CBL: variants seen among roughly 807,000 people sequenced by gnomAD.
The protein encoded by CBL is Cbl proto-oncogene, also known as E3 ubiquitin-protein ligase CBL.
Under a neutral mutation model 96.9 loss-of-function variants are expected in CBL, and 45 were observed. The observed-to-expected ratio is 0.46, with a 90% CI of 0.37 to 0.60. The LOEUF is 0.60. CBL is among the 20% of genes least tolerant of loss of function. The pLI is 0.00. For missense variants in CBL, 1,024 were observed against 1,143.5 expected, an observed-to-expected ratio of 0.90 and a Z score of 1.51; for synonymous variants, 420 against 426.8, an observed-to-expected ratio of 0.98 and a Z score of 0.20.
Position 119,206,519 on chromosome 11 carries a change from G to A in CBL, c.102G>A (p.Gln34=), listed in dbSNP as rs1315924709. The A allele has an allele frequency of 6.4e-7, 1 of 1,558,868 alleles. No individual in the cohort carries two copies. The highest frequency in any genetic ancestry group is 1.8e-4 in the Middle Eastern group (1 of 5,666). ...GLIGLMKDAF[Q]PHHHHHHHLS... ...TTGGGCTCATGAAGGACGCCTTCCA[G>A]CCGCACCACCACCACCACCACCACC... Residue 34 remains glutamine, a synonymous_variant, in exon 1 of 16, where the codon CAG becomes CAA. Coordinates refer to ENST00000264033, the MANE Select transcript of CBL (RefSeq NM_005188.4).
chr11:119,263,711 T>C (rs1949772635), intron 2 of CBL, among the ~76,000 whole-genome samples: 1 of 152,224 alleles, frequency 6.6e-6, no homozygotes, highest in African/African-American at 2.4e-5. Context: ...AGTTAAACAG[T>C]ACTTCATTGA....
chr11:119,232,730 G>C, intron 2 of CBL, 35 bp downstream of exon 2: 1 of 1,599,266 alleles, frequency 6.3e-7, no homozygotes, highest in South Asian at 1.1e-5. Context: ...AATTATGCAG[G>C]TCTGTGACTG....
At chr11:119,268,658 C>T (rs901791867) in intron 2 of CBL, among the ~76,000 whole-genome samples, 3 of 152,010 alleles carry the variant, frequency 2.0e-5, no homozygotes, top group African/African-American at 4.8e-5. Flanking sequence ...AGAGAGTACA[C>T]GGAGAAAGAA....
intron 3 of CBL, among the ~76,000 whole-genome samples, chr11:119,272,087 A>G (rs557978719): frequency 3.9e-5 from 6 of 152,246 alleles, no homozygotes; most frequent in African/African-American, 1.4e-4. Flanking sequence ...ATTGAAACCC[A>G]TGCTCTTTGA....
intron 12 of CBL, among the ~76,000 whole-genome samples, chr11:119,289,843 A>G (rs1335947548): frequency 6.6e-6 from 1 of 152,148 alleles, no homozygotes; most frequent in African/African-American, 2.4e-5. Context: ...ACTGGGCTCA[A>G]GAGATCCTCC....
At chr11:119,291,439 C>G (rs1198059804) in intron 12 of CBL, among the ~76,000 whole-genome samples, 2 of 152,096 alleles carry the variant, frequency 1.3e-5, no homozygotes, top group Admixed American at 1.3e-4. Context: ...GGTGTAGTGC[C>G]TCATGCCTGT....
intron 1 of CBL, among the ~76,000 whole-genome samples, chr11:119,230,641 A>G (rs1332285850): frequency 2.0e-5 from 3 of 152,168 alleles, no homozygotes; most frequent in Non-Finnish European, 2.9e-5. Context: ...ATTTTCATGT[A>G]ATGTGTAAGG....
chr11:119,215,429 A>ATTT (rs34686872), intron 1 of CBL, among the ~76,000 whole-genome samples: 5 of 144,334 alleles, frequency 3.5e-5, no homozygotes, highest in African/African-American at 7.7e-5. Flanking sequence ...AACAGCCTAA[A>ATTT]TTTTTTTTTT....
chr11:119,244,482 A>G (rs1408590616), intron 2 of CBL, among the ~76,000 whole-genome samples: 1 of 151,726 alleles, frequency 6.6e-6, no homozygotes, highest in Non-Finnish European at 1.5e-5. Context: ...CAGTGGCACA[A>G]TCTTGGCTCA....
intron 9 of CBL, among the ~76,000 whole-genome samples, chr11:119,283,471 C>T (rs774644107): frequency 1.3e-5 from 2 of 151,708 alleles, no homozygotes; most frequent in Non-Finnish European, 2.9e-5. Flanking sequence ...CTGTGTATCT[C>T]TTGACAGCTT....
chr11:119,272,438 A>G (rs1949856486), intron 3 of CBL, among the ~76,000 whole-genome samples: 1 of 152,218 alleles, frequency 6.6e-6, no homozygotes, highest in Admixed American at 6.5e-5. Flanking sequence ...CTCTTAATGG[A>G]CATGTACATT....
Position 119,300,107 on chromosome 11 carries a change from T to C in CBL, c.*326T>C. ...ACAAGTATTTTGCTGGAAATCCTAATTGAGGACTTAAGACTTCCTGGGTTA... is the reference window on the plus strand; with the variant it reads ...ACAAGTATTTTGCTGGAAATCCTAACTGAGGACTTAAGACTTCCTGGGTTA... On this transcript the variant is annotated 3_prime_UTR_variant, in exon 16 of 16. Coordinates refer to ENST00000264033, the MANE Select transcript of CBL (RefSeq NM_005188.4). The C allele has an allele frequency of 1.8e-6, 1 of 550,810 alleles. No homozygotes were observed. Among genetic ancestry groups the C allele is most frequent in the Non-Finnish European group, 3.2e-6 (1 of 308,730 alleles). 34.1% of individuals were successfully genotyped at this position (550,810 alleles called of 1,614,324 possible). A position where few individuals can be genotyped will look rare whatever the true frequency, so the allele number is the denominator to read the frequency against.
intron 1 of CBL, among the ~76,000 whole-genome samples, chr11:119,210,794 C>T (rs1025790244): frequency 6.6e-6 from 1 of 151,750 alleles, no homozygotes; most frequent in Non-Finnish European, 1.5e-5. Context: ...TGAAATAGAA[C>T]AGAGGTTGGC....
At chr11:119,247,654 T>C (rs909827794) in intron 2 of CBL, among the ~76,000 whole-genome samples, 1 of 152,004 alleles carries the variant, frequency 6.6e-6, no homozygotes, top group African/African-American at 2.4e-5. Flanking sequence ...CTACTAAAAA[T>C]ACAAAAATTA....
intron 2 of CBL, among the ~76,000 whole-genome samples, chr11:119,240,737 T>C (rs1949579853): frequency 6.6e-6 from 1 of 152,148 alleles, no homozygotes; most frequent in Non-Finnish European, 1.5e-5. Flanking sequence ...TCCTAGTTTT[T>C]TGGGTGTTGA....
At chr11:119,236,503 A>G (rs1324232159) in intron 2 of CBL, among the ~76,000 whole-genome samples, 1 of 151,384 alleles carries the variant, frequency 6.6e-6, no homozygotes, top group Non-Finnish European at 1.5e-5. Flanking sequence ...CTTTTTGGCT[A>G]CTACTGAATA....
chr11:119,268,974 C>A (rs1949823462), intron 2 of CBL, among the ~76,000 whole-genome samples: 1 of 152,162 alleles, frequency 6.6e-6, no homozygotes, highest in Non-Finnish European at 1.5e-5. Flanking sequence ...TACTACTTGA[C>A]AGAATGTTAT....
Position 119,297,372 on chromosome 11 carries a change from C to T in CBL, c.2154-12C>T, listed in dbSNP as rs1044036454. ...TTCCAAAGATCATTATGGCACTTTCCTTCTGGTTCAGAGCATGTGATTGCG... is the reference window on the plus strand; with the variant it reads ...TTCCAAAGATCATTATGGCACTTTCTTTCTGGTTCAGAGCATGTGATTGCG... On this transcript the variant is annotated splice_polypyrimidine_tract_variant and intron_variant, in intron 13 of 15. Coordinates refer to ENST00000264033, the MANE Select transcript of CBL (RefSeq NM_005188.4). The T allele has an allele frequency of 6.3e-7, 1 of 1,598,634 alleles. No individual in the cohort carries two copies.
chr11:119,246,035 C>T (rs530801548), intron 2 of CBL, among the ~76,000 whole-genome samples: 12 of 128,960 alleles, frequency 9.3e-5, no homozygotes, highest in African/African-American at 2.6e-4. Flanking sequence ...AGTGCAGCGG[C>T]GCGATCTCAG....
Sources: allele counts gnomAD v4.1 joint callset (sites outside exome capture counted in the v4.1 genomes callset), GRCh38; gene constraint gnomAD v4.1.1; transcripts MANE v1.5; gene names NCBI Gene and HGNC (gene_info 2026-07-23, HGNC 2026-07-21).